Variants in CCNY observed in about 807,000 individuals in gnomAD.
CCNY encodes the protein cyclin Y.
A neutral mutation model predicts 42.8 loss-of-function variants in CCNY; 19 were observed. The ratio of observed to expected loss-of-function variants is 0.44; its 90% confidence interval spans 0.31 to 0.65. CCNY has a LOEUF of 0.65. Ranked by LOEUF, CCNY falls within the 30% of genes least tolerant of loss-of-function variation. The pLI is 0.07. For synonymous variants in CCNY, 165 were observed against 162.7 expected (o/e 1.01, Z -0.11); for missense variants, 370 against 437.3 (o/e 0.85, Z 1.37).
chr10:35,369,203 G>T (rs1391254111), intron 1 of CCNY, among the ~76,000 whole-genome samples: 1 of 152,216 alleles, frequency 6.6e-6, no homozygotes, highest in Non-Finnish European at 1.5e-5. Context: ...TGGTGACTGT[G>T]CCTGTCCTGA....
chr10:35,407,630 A>C (rs1008373323), intron 1 of CCNY, among the ~76,000 whole-genome samples: 5 of 152,158 alleles, frequency 3.3e-5, no homozygotes, highest in African/African-American at 1.2e-4. Flanking sequence ...GCGGCATTGC[A>C]GAAGAAAATA....
chr10:35,479,083 A>G (rs1427034952), intron 1 of CCNY, among the ~76,000 whole-genome samples: 16 of 151,950 alleles, frequency 1.1e-4, no homozygotes, highest in African/African-American at 2.9e-4. Context: ...TTAGAATGGC[A>G]ATCATTAAAA....
intron 1 of CCNY, among the ~76,000 whole-genome samples, chr10:35,354,766 G>C (rs1421217256): frequency 6.6e-6 from 1 of 152,126 alleles, no homozygotes; most frequent in Non-Finnish European, 1.5e-5. Context: ...GGAGACAAAG[G>C]GTGAGGAGCA....
intron 3 of CCNY, among the ~76,000 whole-genome samples, chr10:35,263,171 A>G (rs1019093747): frequency 5.9e-5 from 9 of 151,986 alleles, no homozygotes; most frequent in African/African-American, 1.7e-4. Context: ...CCTGGCTAAC[A>G]TGGTGAAACC....
At chr10:35,427,078 T>C (rs552881909) in intron 1 of CCNY, among the ~76,000 whole-genome samples, 37 of 152,344 alleles carry the variant, frequency 2.4e-4, no homozygotes, top group African/African-American at 8.2e-4. Flanking sequence ...CTTTTAATAT[T>C]TGGGGGCTTT....
chr10:35,325,884 G>A (rs1045596427), intron 3 of CCNY, among the ~76,000 whole-genome samples: 13 of 152,170 alleles, frequency 8.5e-5, no homozygotes, highest in Non-Finnish European at 1.9e-4. Context: ...TTCGAGACCA[G>A]CCTGGGCAAC....
At chr10:35,546,088 T>C (rs1841109489) in intron 7 of CCNY, among the ~76,000 whole-genome samples, 1 of 152,198 alleles carries the variant, frequency 6.6e-6, no homozygotes, top group South Asian at 2.1e-4. Context: ...CCAACTCACT[T>C]CACAGTCTTC....
chr10:35,455,779 C>T (rs1210680871), intron 1 of CCNY, among the ~76,000 whole-genome samples: 1 of 148,828 alleles, frequency 6.7e-6, no homozygotes, highest in Non-Finnish European at 1.5e-5. Flanking sequence ...CTTAGTGATC[C>T]TCTGATGGCT....
Position 35,337,082 on chromosome 10 carries a change from C to G in CCNY, c.29C>G (p.Ser10Trp). 3 of 1,590,974 alleles carry G rather than the reference C, an allele frequency of 1.9e-6. No homozygotes were observed. Among genetic ancestry groups the G allele is most frequent in the Non-Finnish European group, 2.6e-6 (3 of 1,170,644 alleles). MGNTTSCCV[S>W]SSPKLRRNAH... ...GGGAACACTACCTCGTGCTGCGTGT[C>G]GTCCAGTCCCAAGCTCCGGAGGAAT... Residue 10 changes from serine (S) to tryptophan (W), a missense_variant, in exon 1 of 10, where the codon TCG becomes TGG. By Grantham distance (177) the Ser-to-Trp change is radical (BLOSUM62 -3). Coordinates refer to ENST00000374704, the MANE Select transcript of CCNY (RefSeq NM_145012.6).
intron 3 of CCNY, among the ~76,000 whole-genome samples, chr10:35,273,087 T>G (rs1461305045): frequency 6.6e-6 from 1 of 152,178 alleles, no homozygotes; most frequent in Non-Finnish European, 1.5e-5. Flanking sequence ...CTCTTGGTGC[T>G]GCCTGGAAGT....
At chr10:35,467,587 A>T (rs1839297020) in intron 1 of CCNY, among the ~76,000 whole-genome samples, 1 of 152,310 alleles carries the variant, frequency 6.6e-6, no homozygotes, top group South Asian at 2.1e-4. Flanking sequence ...TGTGTAGAGG[A>T]TTATATGCAA....
In CCNY at chr10:35,534,954, T is replaced by TACACAC. The variant is rs58564724; in HGVS notation, c.579+4727_579+4732dup. ...TAATATTCCATTGAGTGGGGATACA[T>TACACAC]ACACACACACACACACACACATATA... On this transcript the variant is annotated intron_variant, in intron 7 of 9. Coordinates refer to ENST00000374704, the MANE Select transcript of CCNY (RefSeq NM_145012.6). 5.0e-3 allele frequency among the ~76,000 whole-genome samples: 699 copies of TACACAC among 139,514 alleles called. 3 individuals carry two copies. Among genetic ancestry groups the TACACAC allele is most frequent in the African/African-American group, 0.018 (667 of 37,164 alleles). The allele number at this position is 139,514 out of a possible 152,430, so 91.5% of individuals were successfully genotyped here. A position where few individuals can be genotyped will look rare whatever the true frequency, so the allele number is the denominator to read the frequency against.
In CCNY at chr10:35,336,694, G is replaced by A. The variant is rs1836039138; in HGVS notation, c.-360G>A. Among the ~76,000 whole-genome samples the A allele has an allele frequency of 6.8e-6, 1 of 147,400 alleles. No individual in the cohort carries two copies. The highest frequency in any genetic ancestry group is 2.4e-5 in the African/African-American group (1 of 40,942). On this transcript the variant is annotated 5_prime_UTR_variant, in exon 1 of 10. Transcript: ENST00000374704. ...CGCCGGGGAAGCGGACACCAACTGGGGAAGCGCGGGGGGGAGGCGGCCTGC... is the reference window on the plus strand; with the variant it reads ...CGCCGGGGAAGCGGACACCAACTGGAGAAGCGCGGGGGGGAGGCGGCCTGC...
intron 1 of CCNY, among the ~76,000 whole-genome samples, chr10:35,457,001 C>A (rs1839050671): frequency 6.6e-6 from 1 of 152,158 alleles, no homozygotes; most frequent in Non-Finnish European, 1.5e-5. Flanking sequence ...AGTAGTGAAC[C>A]AGCTCTTTAT....
chr10:35,455,827 A>ATTTTT (rs1564417870), intron 1 of CCNY, among the ~76,000 whole-genome samples: 1,070 of 80,394 alleles, frequency 0.013, 9 homozygotes, highest in Middle Eastern at 0.056. Flanking sequence ...TTTTTTTTTA[A>ATTTTT]AAAAAGAAAA....
At chr10:35,511,910 G>C (rs1448350190) in intron 3 of CCNY, among the ~76,000 whole-genome samples, 1 of 152,214 alleles carries the variant, frequency 6.6e-6, no homozygotes, top group African/African-American at 2.4e-5. Flanking sequence ...AACCATCTAG[G>C]CAGGGAGGCA....
chr10:35,548,392 G>A (rs1411270951), intron 7 of CCNY, among the ~76,000 whole-genome samples: 4 of 151,234 alleles, frequency 2.6e-5, no homozygotes, highest in African/African-American at 4.9e-5. Context: ...TCCGCCTCCC[G>A]GGTTCAAGCA....
intron 1 of CCNY, among the ~76,000 whole-genome samples, chr10:35,414,081 G>A (rs1470038640): frequency 6.6e-6 from 1 of 152,166 alleles, no homozygotes; most frequent in African/African-American, 2.4e-5. Context: ...TTTTTCCTGT[G>A]TTAGTTTCCT....
intron 3 of CCNY, among the ~76,000 whole-genome samples, chr10:35,512,706 G>A (rs1276281121): frequency 6.6e-6 from 1 of 152,116 alleles, no homozygotes; most frequent in African/African-American, 2.4e-5. Flanking sequence ...AGGGATGACC[G>A]ATTTGCCAAG....
Sources: allele counts gnomAD v4.1 joint callset (sites outside exome capture counted in the v4.1 genomes callset), GRCh38; gene constraint gnomAD v4.1.1; transcripts MANE v1.5; gene names NCBI Gene and HGNC (gene_info 2026-07-23, HGNC 2026-07-21).